ZFHX2: variants seen among roughly 807,000 people sequenced by gnomAD.
The protein encoded by ZFHX2 is zinc finger homeobox protein 2.
A neutral mutation model predicts 164.8 loss-of-function variants in ZFHX2; 75 were observed. The ratio of observed to expected loss-of-function variants is 0.46; its 90% CI spans 0.38 to 0.55. ZFHX2 has a LOEUF of 0.55. Among genes scored for constraint, ZFHX2 ranks in the 20% least tolerant of loss-of-function variants. ZFHX2 has a pLI of 0.00. For missense variants in ZFHX2, 2,933 were observed against 3,308.0 expected (o/e 0.89, Z 2.78); for synonymous variants, 1,217 against 1,351.4 (o/e 0.90, Z 2.18).
Position 23,524,022 on chromosome 14 carries a change from C to A in ZFHX2, c.5920G>T (p.Ala1974Ser). The A allele has an allele frequency of 6.6e-7, 1 of 1,515,250 alleles. No homozygotes were observed. The highest frequency in any genetic ancestry group is 8.8e-7 in the Non-Finnish European group (1 of 1,135,546). The allele number at this position is 1,515,250 out of a possible 1,614,324, so 93.9% of individuals were successfully genotyped here. A position where few individuals can be genotyped will look rare whatever the true frequency, so the allele number is the denominator to read the frequency against. Reference protein sequence around the residue: ...PAFPYPTATLASGPQPFLPPG... With the variant: ...PAFPYPTATLSSGPQPFLPPG... ...GGTAGGAAAGGCTGGGGCCCAGAAG[C>A]AAGCGTGGCAGTGGGGTAGGGAAAA... The change falls in exon 9 of 10, where the codon GCT becomes TCT. Residue 1974 changes from alanine (A) to serine (S), a missense_variant. Physicochemically the swap from Ala to Ser is moderately conservative, Grantham distance 99. Coordinates refer to ENST00000419474, the MANE Select transcript of ZFHX2 (RefSeq NM_033400.3). This position sits in a 1 kb window ranked among gnomAD's most constrained non-coding sequence, Gnocchi z 5.6.
intron 1 of ZFHX2, among the ~76,000 whole-genome samples, chr14:23,550,405 G>A (rs1881828044): frequency 1.3e-5 from 2 of 152,218 alleles, no homozygotes; most frequent in Admixed American, 1.3e-4. Context: ...AGAGGGCATG[G>A]AATCCTAGAC....
At chr14:23,538,961 T>C (rs568881577) in intron 1 of ZFHX2, among the ~76,000 whole-genome samples, 7 of 152,144 alleles carry the variant, frequency 4.6e-5, no homozygotes, top group African/African-American at 1.7e-4. Flanking sequence ...GAGCTTTAAA[T>C]TACAAGGCTG....
chr14:23,548,713 C>T (rs1004958932), intron 1 of ZFHX2, among the ~76,000 whole-genome samples: 9 of 152,280 alleles, frequency 5.9e-5, no homozygotes, highest in Admixed American at 3.3e-4. Context: ...AATGAATGCT[C>T]GTGAGGTTCT....
intron 6 of ZFHX2, chr14:23,529,380 C>T: frequency 3.2e-6 from 1 of 315,958 alleles, no homozygotes. Context: ...TGGGCAGTAG[C>T]TGGTTGTTTG....
At position 23,529,403 on chromosome 14, in the gene ZFHX2, T is replaced by G. The variant is rs902746823; in HGVS notation, c.2934+307A>C. 8 of 345,206 alleles carry G rather than the reference T, an allele frequency of 2.3e-5. No individual in the cohort carries two copies. In the Admixed American group the frequency reaches 3.5e-4, roughly 15 times the overall value. The allele number at this position is 345,206 out of a possible 1,614,324, so 21.4% of individuals were successfully genotyped here. A position where few individuals can be genotyped will look rare whatever the true frequency, so the allele number is the denominator to read the frequency against. On this transcript the variant is annotated intron_variant, in intron 6 of 9. Transcript: ENST00000419474. Reference sequence around the variant, plus strand: ...AGCTGGTTGTTTGCTTTTGCCTTTCTCCTCCCCTCCTTCCAGCATGTACCC... The same window carrying G: ...AGCTGGTTGTTTGCTTTTGCCTTTCGCCTCCCCTCCTTCCAGCATGTACCC...
upstream of ZFHX2, chr14:23,555,829 G>C (rs576530988): frequency 2.6e-5 from 4 of 152,376 alleles, no homozygotes; most frequent in Admixed American, 1.3e-4. Flanking sequence ...TGTTGGAGAC[G>C]GGACTGGGGC....
rs149874133 is a variant in ZFHX2, at chr14:23,547,521, T to C, written c.-50+3822A>G. On this transcript the variant is annotated intron_variant, in intron 1 of 9. Coordinates refer to ENST00000419474, the MANE Select transcript of ZFHX2 (RefSeq NM_033400.3). ...CCTCCACATCTTCCTCTTGGGCTCC[T>C]AGGGCTGTTCATTCATGTTTTCCTC... 2.6e-5 allele frequency among the ~76,000 whole-genome samples: 4 copies of C among 152,312 alleles called. No homozygotes were observed. In the East Asian group the frequency reaches 7.7e-4, roughly 29 times the overall value.
chr14:23,528,687 C>T, intron 6 of ZFHX2: 1 of 985,416 alleles, frequency 1.0e-6, no homozygotes, highest in Non-Finnish European at 1.2e-6. Context: ...ACCTTATTTT[C>T]CATCTTTCTT....
upstream of ZFHX2, among the ~76,000 whole-genome samples, chr14:23,552,673 C>T (rs559618711): frequency 1.1e-4 from 16 of 152,140 alleles, no homozygotes; most frequent in South Asian, 3.3e-3. Context: ...ATGATCCCGG[C>T]TCACTGCAAC....
Position 23,525,276 on chromosome 14 carries a change from C to T in ZFHX2, c.4666G>A (p.Glu1556Lys). ...PHLGPPFLVP[E>K]PEAGGTRAPE... is the part of the protein sequence containing the mutation. ...GCACGGGTCCCCCCTGCCTCAGGCT[C>T]TGGGACCAGGAAGGGTGGGCCCAGA... Residue 1556 changes from glutamate to lysine, a missense_variant, in exon 9 of 10, where the codon GAG (glutamate) becomes AAG (lysine). Glu to Lys is a moderately conservative substitution (Grantham distance 56). Coordinates refer to ENST00000419474, the MANE Select transcript of ZFHX2 (RefSeq NM_033400.3). This position sits in a 1 kb window ranked among gnomAD's most constrained non-coding sequence, Gnocchi z 5.9. The T allele has an allele frequency of 6.5e-7, 1 of 1,536,124 alleles. No homozygotes were observed. Among genetic ancestry groups the T allele is most frequent in the South Asian group, 1.2e-5 (1 of 84,060 alleles).
chr14:23,550,206 G>T (rs1454638347), intron 1 of ZFHX2, among the ~76,000 whole-genome samples: 1 of 152,232 alleles, frequency 6.6e-6, no homozygotes, highest in Admixed American at 6.5e-5. Flanking sequence ...AAGTTCCAAA[G>T]CTTCTCTGGT....
intron 4 of ZFHX2, 72 bp from the exon 5 acceptor site, chr14:23,530,266 A>C (rs1190319827): frequency 3.5e-6 from 4 of 1,141,022 alleles, no homozygotes; most frequent in African/African-American, 1.6e-5. Flanking sequence ...GGACAGAGGA[A>C]GCAGGACAAG....
Position 23,525,254 on chromosome 14 carries a change from C to G in ZFHX2, c.4688G>C (p.Arg1563Pro). 3.3e-6 allele frequency: 5 copies of G among 1,536,076 alleles called. No individual in the cohort carries two copies. The highest frequency in any genetic ancestry group is 4.4e-6 in the Non-Finnish European group (5 of 1,146,900). Residue 1563 changes from arginine (R) to proline (P), a missense_variant, in exon 9 of 10, where the codon CGT becomes CCT. Coordinates refer to ENST00000419474, the MANE Select transcript of ZFHX2 (RefSeq NM_033400.3). The surrounding 1 kb of genome is among the most constrained non-coding windows in gnomAD (Gnocchi z 5.9). Reference protein sequence around the residue: ...LVPEPEAGGTRAPEERSRAGG... With the variant: ...LVPEPEAGGTPAPEERSRAGG... ...TGCTCGACTTCGCTCTTCAGGGGCA[C>G]GGGTCCCCCCTGCCTCAGGCTCTGG... is the stretch of plus-strand genomic sequence containing the variant.
chr14:23,542,624 CCTT>C (rs1880943844), intron 1 of ZFHX2, among the ~76,000 whole-genome samples: 1 of 152,174 alleles, frequency 6.6e-6, no homozygotes, highest in Non-Finnish European at 1.5e-5. Flanking sequence ...AGCTCGGAAC[CCTT>C]CTTCTGTATG....
Position 23,524,938 on chromosome 14 carries a change from T to A in ZFHX2, c.5004A>T (p.Gly1668=). The A allele has an allele frequency of 6.5e-7, 1 of 1,536,048 alleles. No individual in the cohort carries two copies. The highest frequency in any genetic ancestry group is 1.4e-5 in the African/African-American group (1 of 73,084). ...GSMPTGGGTG[G]ASGCRRCHAT... ...CGTGGCAACGCCTGCAGCCGGAGGC[T>A]CCCCCAGTGCCTCCTCCGGTTGGCA... Residue 1668 remains glycine (G), a synonymous_variant, in exon 9 of 10, where the codon GGA becomes GGT. Coordinates refer to ENST00000419474, the MANE Select transcript of ZFHX2 (RefSeq NM_033400.3). The surrounding 1 kb of genome is among the most constrained non-coding windows in gnomAD (Gnocchi z 5.6).
rs949890353 is a variant in ZFHX2 at position 23,526,326 on chromosome 14, G to A, written c.3616C>T (p.Leu1206=). ...GAGACAGAATTATAATGAACCAACA[G>A]AATATTCTTCTGGGTGAAGGACTCC... ...CKESFTQKNI[L]LVHYNSVSHL... is the part of the protein sequence containing the mutation. The change falls in exon 9 of 10, where the codon CTG becomes TTG. Residue 1206 remains leucine (L), a synonymous_variant. Transcript: ENST00000419474. 2.0e-5 allele frequency: 31 copies of A among 1,536,290 alleles called. No homozygotes were observed. The Admixed American group carries it at 4.9e-4, about 24-fold the overall frequency.
Position 23,533,507 on chromosome 14 carries a change from C to T in ZFHX2, c.1819G>A (p.Gly607Ser), listed in dbSNP as rs576143944. 2.0e-5 allele frequency: 31 copies of T among 1,536,048 alleles called. No individual in the cohort carries two copies. In the East Asian group the frequency reaches 2.4e-4, roughly 12 times the overall value. The change falls in exon 2 of 10, where the codon GGC becomes AGC. Residue 607 changes from glycine (G) to serine (S), a missense_variant. Transcript: ENST00000419474. The surrounding 1 kb of genome is among the most constrained non-coding windows in gnomAD (Gnocchi z 4.8). ...VLMLHQGLPL[G>S]LPPGLMGPGP... ...GGCCCCATCAATCCAGGTGGCAGGC[C>T]CAGCGGCAGCCCCTGGTGCAGCATT...
At position 23,521,804 on chromosome 14, in the gene ZFHX2, G is replaced by C. The variant is rs562479424; in HGVS notation, c.*158C>G. 7.5e-5 allele frequency: 97 copies of C among 1,287,152 alleles called. 1 individual carries two copies. The highest frequency in any genetic ancestry group is 5.0e-4 in the South Asian group (32 of 64,026). 79.7% of individuals were successfully genotyped at this position (1,287,152 alleles called of 1,614,324 possible). A position where few individuals can be genotyped will look rare whatever the true frequency, so the allele number is the denominator to read the frequency against. On this transcript the variant is annotated 3_prime_UTR_variant, in exon 10 of 10. Transcript: ENST00000419474. The stretch of plus-strand genomic sequence containing the variant: ...GAGGAGGCAGGACTCTGCTGGAAGT[G>C]GGGTGTGTGGTGCCCACTGAGGGTG...
intron 1 of ZFHX2, chr14:23,548,380 A>G (rs983463725): frequency 2.0e-5 from 3 of 152,190 alleles, no homozygotes; most frequent in Non-Finnish European, 4.4e-5. Flanking sequence ...AGAGTCAGAA[A>G]TCCTACCAAT....
Sources: allele counts gnomAD v4.1 joint callset (sites outside exome capture counted in the v4.1 genomes callset), GRCh38; gene constraint gnomAD v4.1.1; non-coding constraint Gnocchi (gnomAD v3.1); transcripts MANE v1.5; gene names NCBI Gene and HGNC (gene_info 2026-07-23, HGNC 2026-07-21).